Variants in JAZF1 observed in about 807,000 individuals in gnomAD.
JAZF1 encodes juxtaposed with another zinc finger protein 1.
JAZF1 carries 8 observed loss-of-function variants against 26.4 expected under a neutral mutation model. The ratio of observed to expected loss-of-function variants is 0.30; its 90% CI spans 0.18 to 0.55. The LOEUF (loss-of-function observed/expected upper bound fraction) is 0.55. JAZF1 is among the 20% of genes least tolerant of loss of function. The pLI, the probability that JAZF1 is intolerant of heterozygous loss-of-function variation, is 0.94. For missense variants in JAZF1, 199 were observed against 322.0 expected, an observed-to-expected ratio of 0.62 and a Z score of 2.92; for synonymous variants, 126 against 122.3, an observed-to-expected ratio of 1.03 and a Z score of -0.20.
chr7:28,103,870 T>C (rs76254489), intron 1 of JAZF1, among the ~76,000 whole-genome samples: 1,965 of 152,226 alleles, frequency 0.013, 38 homozygotes, highest in African/African-American at 0.044. Flanking sequence ...AGTCACACTA[T>C]GAAAGCACCC....
chr7:28,116,669 C>T (rs901936032), intron 1 of JAZF1, among the ~76,000 whole-genome samples: 1 of 152,010 alleles, frequency 6.6e-6, no homozygotes, highest in Non-Finnish European at 1.5e-5. Flanking sequence ...GTCTCAAACT[C>T]GAACTCCTGA....
intron 3 of JAZF1, among the ~76,000 whole-genome samples, chr7:27,857,275 T>C (rs6952536): frequency 0.47 from 70,955 of 152,130 alleles, 16,827 homozygotes; most frequent in East Asian, 0.61. Context: ...CCTCACTGCC[T>C]GGGGCTTGCG....
intron 1 of JAZF1, among the ~76,000 whole-genome samples, chr7:28,170,528 A>G (rs1783446128): frequency 6.6e-6 from 1 of 152,284 alleles, no homozygotes; most frequent in Non-Finnish European, 1.5e-5. Context: ...CAACCATTTT[A>G]GAACTGCCAA....
intron 1 of JAZF1, among the ~76,000 whole-genome samples, chr7:28,083,655 CTTT>C (rs1300328505): frequency 2.6e-5 from 4 of 152,096 alleles, no homozygotes; most frequent in Admixed American, 2.0e-4. Context: ...CTACAAACTT[CTTT>C]ATCACTATGT....
At chr7:27,850,718 T>A (rs933756147) in intron 3 of JAZF1, among the ~76,000 whole-genome samples, 1 of 152,168 alleles carries the variant, frequency 6.6e-6, no homozygotes. Flanking sequence ...AACCCTCTAG[T>A]GGCTTCTCAC....
At chr7:28,093,487 G>A (rs953187887) in intron 1 of JAZF1, among the ~76,000 whole-genome samples, 11 of 152,154 alleles carry the variant, frequency 7.2e-5, no homozygotes, top group East Asian at 1.9e-4. Flanking sequence ...TATCAGCAGC[G>A]TGAAAACAGA....
chr7:28,043,595 T>C (rs968162311), intron 1 of JAZF1, among the ~76,000 whole-genome samples: 1 of 152,118 alleles, frequency 6.6e-6, no homozygotes. Context: ...CCTCACAAAG[T>C]TGAACGTAGA....
chr7:28,003,678 C>G (rs1782644547), intron 1 of JAZF1, among the ~76,000 whole-genome samples: 1 of 152,140 alleles, frequency 6.6e-6, no homozygotes, highest in African/African-American at 2.4e-5. Context: ...TCTCCATTTC[C>G]TATAACCTAT....
chr7:28,016,500 C>G (rs1416633783), intron 1 of JAZF1, among the ~76,000 whole-genome samples: 1 of 152,194 alleles, frequency 6.6e-6, no homozygotes, highest in Non-Finnish European at 1.5e-5. Context: ...CAGCCTTCCC[C>G]TGACACCTTT....
At chr7:28,093,148 T>C (rs779146385) in intron 1 of JAZF1, among the ~76,000 whole-genome samples, 79 of 152,334 alleles carry the variant, frequency 5.2e-4, no homozygotes, top group Non-Finnish European at 8.8e-4. Context: ...TGGTGTTTGA[T>C]ATGGTTTGGC....
intron 1 of JAZF1, among the ~76,000 whole-genome samples, chr7:28,010,895 T>C (rs548645920): frequency 6.6e-6 from 1 of 152,246 alleles, no homozygotes; most frequent in Non-Finnish European, 1.5e-5. Context: ...CAGAGCTTTG[T>C]CTGAATTCCC....
At chr7:28,164,461 A>G (rs1783335695) in intron 1 of JAZF1, among the ~76,000 whole-genome samples, 1 of 152,246 alleles carries the variant, frequency 6.6e-6, no homozygotes, top group African/African-American at 2.4e-5. Flanking sequence ...TTACTTGAAC[A>G]AAGATGCTGA....
In JAZF1 at chr7:27,831,893, T is replaced by G; in HGVS notation, c.*907A>C. The G allele has an allele frequency of 4.6e-6, 1 of 218,252 alleles. No individual in the cohort carries two copies. The highest frequency in any genetic ancestry group is 6.8e-5 in the East Asian group (1 of 14,774). The allele number at this position is 218,252 out of a possible 1,614,324, so 13.5% of individuals were successfully genotyped here. A position where few individuals can be genotyped will look rare whatever the true frequency, so the allele number is the denominator to read the frequency against. ...GAGAACTACAAAGTGCTTTAAAACT[T>G]CATCTGAAGATGAAGATATAACTAA... On this transcript the variant is annotated 3_prime_UTR_variant, in exon 5 of 5. Coordinates refer to ENST00000283928, the MANE Select transcript of JAZF1 (RefSeq NM_175061.4).
chr7:27,928,017 T>C (rs1784627865), intron 2 of JAZF1, among the ~76,000 whole-genome samples: 1 of 152,242 alleles, frequency 6.6e-6, no homozygotes, highest in Non-Finnish European at 1.5e-5. Context: ...TGTGTTTTAT[T>C]TGAATAGTTC....
At chr7:27,865,973 T>C (rs1783466458) in intron 3 of JAZF1, among the ~76,000 whole-genome samples, 1 of 152,168 alleles carries the variant, frequency 6.6e-6, no homozygotes, top group Admixed American at 6.5e-5. Flanking sequence ...TTGGGGCTGT[T>C]CTGCTGGACT....
chr7:27,921,041 T>C (rs1334091074), intron 2 of JAZF1, among the ~76,000 whole-genome samples: 2 of 152,244 alleles, frequency 1.3e-5, no homozygotes, highest in Non-Finnish European at 2.9e-5. Context: ...AAGCGCTTTA[T>C]AAATTACTTG....
chr7:28,033,701 G>A (rs1783232000), intron 1 of JAZF1, among the ~76,000 whole-genome samples: 1 of 152,132 alleles, frequency 6.6e-6, no homozygotes, highest in Non-Finnish European at 1.5e-5. Context: ...TTTTCAAACA[G>A]CCCTGATTGC....
At chr7:27,952,215 T>C (rs1369551096) in intron 2 of JAZF1, among the ~76,000 whole-genome samples, 3 of 152,132 alleles carry the variant, frequency 2.0e-5, no homozygotes, top group Non-Finnish European at 4.4e-5. Context: ...CTTAACTACT[T>C]TGCACAAGGT....
At chr7:27,866,966 G>A (rs1204831864) in intron 3 of JAZF1, among the ~76,000 whole-genome samples, 1 of 152,190 alleles carries the variant, frequency 6.6e-6, no homozygotes, top group Non-Finnish European at 1.5e-5. Flanking sequence ...AGACACTAAG[G>A]GAGTGCCTCA....
Sources: gnomAD v4.1 joint callset for allele counts (sites outside exome capture counted in the v4.1 genomes callset) on GRCh38, gnomAD v4.1.1 for gene constraint, MANE v1.5 for transcripts, NCBI Gene and HGNC (gene_info 2026-07-23, HGNC 2026-07-21) for gene names.